Variants in COX7B2 observed in about 807,000 individuals in gnomAD.
COX7B2 encodes the protein cytochrome c oxidase subunit 7B2, mitochondrial.
For missense variants in COX7B2, 109 were observed against 95.9 expected (o/e 1.14, Z -0.57); for synonymous variants, 37 against 32.1 (o/e 1.15, Z -0.51).
At chr4:46,759,099 A>G (rs1338645905) in intron 2 of COX7B2, among the ~76,000 whole-genome samples, 1 of 152,118 alleles carries the variant, frequency 6.6e-6, no homozygotes, top group Non-Finnish European at 1.5e-5. Flanking sequence ...TTCTAGACCC[A>G]TAGAATTAAA....
At chr4:46,903,462 T>G (rs368431448) in intron 1 of COX7B2, among the ~76,000 whole-genome samples, 1 of 151,978 alleles carries the variant, frequency 6.6e-6, no homozygotes, top group East Asian at 1.9e-4. Flanking sequence ...TTACTTAGTT[T>G]TTTTTTTTTT....
intron 1 of COX7B2, among the ~76,000 whole-genome samples, chr4:46,869,897 T>C (rs1717880393): frequency 6.6e-6 from 1 of 152,134 alleles, no homozygotes; most frequent in Non-Finnish European, 1.5e-5. Flanking sequence ...TTCTCTGTAT[T>C]TCCTGAATTT....
chr4:46,880,426 T>C lies in COX7B2; in HGVS notation c.-105+28734A>G, dbSNP rs1577691061. On this transcript the variant is annotated intron_variant, in intron 1 of 2. Coordinates refer to ENST00000355591, the MANE Select transcript of COX7B2 (RefSeq NM_130902.3). ...CAGGTCCTGGGCTTTTTTTTTTTTT[T>C]TTTTTTTTCTGGGTAGGCTATTTAT... 2.0e-5 allele frequency among the ~76,000 whole-genome samples: 3 copies of C among 149,668 alleles called. 1 individual carries two copies. The highest frequency in any genetic ancestry group is 7.3e-5 in the African/African-American group (3 of 40,928).
chr4:46,751,231 C>G (rs1249677302), intron 2 of COX7B2, among the ~76,000 whole-genome samples: 1 of 152,034 alleles, frequency 6.6e-6, no homozygotes, highest in Non-Finnish European at 1.5e-5. Context: ...GATATTTACA[C>G]TCTCTCATCT....
At chr4:46,843,002 G>T (rs1224304226) in intron 2 of COX7B2, among the ~76,000 whole-genome samples, 1 of 152,036 alleles carries the variant, frequency 6.6e-6, no homozygotes, top group Non-Finnish European at 1.5e-5. Context: ...GGTTGAACTA[G>T]CTTACAGTCC....
chr4:46,858,207 C>T (rs1053462005), intron 1 of COX7B2, among the ~76,000 whole-genome samples: 3 of 152,068 alleles, frequency 2.0e-5, no homozygotes, highest in African/African-American at 7.2e-5. Flanking sequence ...GATTCTCCCA[C>T]CTCAGCCTCC....
chr4:46,816,634 T>C (rs187526892), intron 2 of COX7B2, among the ~76,000 whole-genome samples: 158 of 152,310 alleles, frequency 1.0e-3, no homozygotes, highest in African/African-American at 3.6e-3. Flanking sequence ...GCTGAAAATA[T>C]TATTTAATGT....
intron 1 of COX7B2, among the ~76,000 whole-genome samples, chr4:46,848,110 T>C (rs910024433): frequency 1.3e-5 from 2 of 152,042 alleles, no homozygotes; most frequent in African/African-American, 4.8e-5. Context: ...GCCAAGCTGT[T>C]CACTGCTAAG....
rs377026939 is a variant in COX7B2 at position 46,735,119 on chromosome 4, T to C, written c.74A>G (p.His25Arg). The change falls in exon 3 of 3, where the codon CAT becomes CGT. Residue 25 changes from histidine (H) to arginine (R), a missense_variant. Physicochemically the swap from His to Arg is conservative, Grantham distance 29. Coordinates refer to ENST00000355591, the MANE Select transcript of COX7B2 (RefSeq NM_130902.3). ...ATCTGGTGAGTGTTTTACATGGCTA[T>C]GTCTTGCCATGCTTTGCAGAATGCT... ...IQSILQSMARHSHVKHSPDFH... is the reference protein window; with the variant it reads ...IQSILQSMARRSHVKHSPDFH... 5 of 1,613,550 alleles carry C rather than the reference T, an allele frequency of 3.1e-6. No individual in the cohort carries two copies. The highest frequency in any genetic ancestry group is 4.2e-6 in the Non-Finnish European group (5 of 1,179,690).
At chr4:46,779,197 C>T (rs189464197) in intron 2 of COX7B2, among the ~76,000 whole-genome samples, 30 of 152,048 alleles carry the variant, frequency 2.0e-4, no homozygotes, top group African/African-American at 7.2e-4. Flanking sequence ...CTCAGGCAAC[C>T]CAAAGAGGCA....
intron 1 of COX7B2, among the ~76,000 whole-genome samples, chr4:46,892,830 T>C (rs764336929): frequency 6.6e-6 from 1 of 152,148 alleles, no homozygotes; most frequent in African/African-American, 2.4e-5. Context: ...GTAGTTCCCA[T>C]AAGTGTCGCA....
intron 2 of COX7B2, among the ~76,000 whole-genome samples, chr4:46,777,341 A>G (rs1393965185): frequency 6.6e-6 from 1 of 152,124 alleles, no homozygotes; most frequent in Non-Finnish European, 1.5e-5. Context: ...AAGAGCAGAT[A>G]AGTGAGCCAG....
At chr4:46,775,055 A>G (rs1342272457) in intron 2 of COX7B2, among the ~76,000 whole-genome samples, 1 of 152,076 alleles carries the variant, frequency 6.6e-6, no homozygotes, top group Non-Finnish European at 1.5e-5. Context: ...GGTCACATAT[A>G]TGAGACCTTA....
chr4:46,800,804 T>G (rs542622397), intron 2 of COX7B2, among the ~76,000 whole-genome samples: 1 of 151,984 alleles, frequency 6.6e-6, no homozygotes, highest in South Asian at 2.1e-4. Context: ...ATAAACAGAA[T>G]AAATCAACAG....
rs73139389 is a variant in COX7B2, at chr4:46,790,423, A to G, written c.-50+54537T>C. Among the ~76,000 whole-genome samples the G allele has an allele frequency of 4.7e-3, 722 of 152,308 alleles. 9 individuals are homozygous for G. The highest frequency in any genetic ancestry group is 0.017 in the African/African-American group (692 of 41,572). The stretch of plus-strand genomic sequence containing the variant: ...ATTTTGAATTATATGTTTTTGAGCA[A>G]TAAGTCTGGTCACTTCATTTTCAAA... On this transcript the variant is annotated intron_variant, in intron 2 of 2. Transcript: ENST00000355591.
chr4:46,746,437 G>C (rs1201021862), intron 2 of COX7B2, among the ~76,000 whole-genome samples: 1 of 152,174 alleles, frequency 6.6e-6, no homozygotes, highest in Non-Finnish European at 1.5e-5. Context: ...TCTAGAATCA[G>C]GGCATTGACC....
chr4:46,820,636 T>C (rs975795559), intron 2 of COX7B2, among the ~76,000 whole-genome samples: 1 of 151,918 alleles, frequency 6.6e-6, no homozygotes, highest in African/African-American at 2.4e-5. Context: ...GAGACCAGCC[T>C]GACCAACAAA....
chr4:46,847,813 G>C (rs1218885603), intron 1 of COX7B2, among the ~76,000 whole-genome samples: 2 of 151,942 alleles, frequency 1.3e-5, no homozygotes, highest in Admixed American at 1.3e-4. Flanking sequence ...AAATGCAAGG[G>C]AAAATTGAAT....
intron 1 of COX7B2, among the ~76,000 whole-genome samples, chr4:46,887,301 C>A (rs1719135107): frequency 6.6e-6 from 1 of 152,206 alleles, no homozygotes; most frequent in Non-Finnish European, 1.5e-5. Flanking sequence ...GCTGGTTTGA[C>A]AACTGTGAGA....
Sources: allele counts gnomAD v4.1 joint callset (sites outside exome capture counted in the v4.1 genomes callset), GRCh38; gene constraint gnomAD v4.1.1; transcripts MANE v1.5; gene names NCBI Gene and HGNC (gene_info 2026-07-23, HGNC 2026-07-21).